CNTRL: variants seen among roughly 807,000 people sequenced by gnomAD.
CNTRL encodes the protein 110 kDa centrosomal protein.
Under a neutral mutation model 303.7 loss-of-function variants are expected in CNTRL, and 233 were observed. The observed-to-expected ratio is 0.77, with a 90% CI of 0.69 to 0.86. The LOEUF (loss-of-function observed/expected upper bound fraction) is 0.86, where lower values mean the gene tolerates loss of function less well. Ranked by LOEUF, CNTRL falls within the 40% of genes least tolerant of loss-of-function variation. The pLI is 0.00. For missense variants in CNTRL, 2,524 were observed against 2,650.6 expected (o/e 0.95, Z 1.05); for synonymous variants, 900 against 922.2 (o/e 0.98, Z 0.44).
intron 42 of CNTRL, among the ~76,000 whole-genome samples, chr9:121,174,672 C>G (rs984052962): frequency 6.6e-6 from 1 of 152,106 alleles, no homozygotes; most frequent in Non-Finnish European, 1.5e-5. Context: ...AGGAGACACT[C>G]CAGTTGTCAA....
Position 121,075,081 on chromosome 9 carries a change from C to T in CNTRL, c.-205+14C>T. Reference sequence around the variant, plus strand: ...GGCTTCTAGGCGGTGAGCGTCAGACCTGGCCGAGCCCGTTCCCCGGCATCC... The same window carrying T: ...GGCTTCTAGGCGGTGAGCGTCAGACTTGGCCGAGCCCGTTCCCCGGCATCC... On this transcript the variant is annotated intron_variant, in intron 1 of 43. Transcript: ENST00000373855. 2.6e-6 allele frequency: 1 copy of T among 387,334 alleles called. No homozygotes were observed. Among genetic ancestry groups the T allele is most frequent in the Non-Finnish European group, 5.2e-6 (1 of 191,612 alleles). The allele number at this position is 387,334 out of a possible 1,614,324, so 24.0% of individuals were successfully genotyped here. A position where few individuals can be genotyped will look rare whatever the true frequency, so the allele number is the denominator to read the frequency against.
chr9:121,119,445 A>C (rs1588153813), intron 12 of CNTRL, among the ~76,000 whole-genome samples: 1 of 150,780 alleles, frequency 6.6e-6, no homozygotes, highest in African/African-American at 2.4e-5. Context: ...ACAGGCACCC[A>C]CCACCACGCC....
intron 12 of CNTRL, among the ~76,000 whole-genome samples, chr9:121,120,753 C>T (rs1438970768): frequency 6.6e-6 from 1 of 152,116 alleles, no homozygotes; most frequent in Non-Finnish European, 1.5e-5. Context: ...GAGAATTATA[C>T]ATGGAAAGGA....
At position 121,135,989 on chromosome 9, in the gene CNTRL, A is replaced by G; in HGVS notation, c.2202+7A>G. 4 of 1,584,990 alleles carry G rather than the reference A, an allele frequency of 2.5e-6. No homozygotes were observed. Among genetic ancestry groups the G allele is most frequent in the Non-Finnish European group, 3.4e-6 (4 of 1,160,542 alleles). On this transcript the variant is annotated splice_region_variant and intron_variant, in intron 15 of 43. Coordinates refer to ENST00000373855, the MANE Select transcript of CNTRL (RefSeq NM_007018.6). ...AGTAACAAGACTTACCCAGGTAAGT[A>G]GGAGCATGAAGCCAACTGCAAACTA...
intron 24 of CNTRL, 70 bp from the exon 25 acceptor site, chr9:121,150,100 G>A: frequency 3.1e-6 from 4 of 1,274,954 alleles, no homozygotes; most frequent in Non-Finnish European, 4.3e-6. Context: ...TACTAAATTT[G>A]TTTACCTGGT....
At chr9:121,091,952 C>T (rs1382772689) in intron 4 of CNTRL, among the ~76,000 whole-genome samples, 2 of 144,174 alleles carry the variant, frequency 1.4e-5, no homozygotes, top group African/African-American at 5.1e-5. Flanking sequence ...CCTCTCTTAC[C>T]ACCCAATCAC....
intron 12 of CNTRL, chr9:121,121,810 C>G (rs1190536800): frequency 4.1e-6 from 4 of 985,340 alleles, no homozygotes; most frequent in Non-Finnish European, 4.8e-6. Context: ...TGCGAAGTTA[C>G]AGAGGCTCGG....
rs757321630 is a variant in CNTRL at position 121,118,510 on chromosome 9, A to G, written c.1620A>G (p.Ile540Met). Residue 540 changes from isoleucine to methionine, a missense_variant, in exon 12 of 44, where the codon ATA becomes ATG. Ile to Met is a conservative substitution (Grantham distance 10, BLOSUM62 1). Transcript: ENST00000373855. ...AGATTAAGGACCTGCAAATAGCCATAGATAGCCTGGATTCCAAAGACCCAA... is the reference window on the plus strand; with the variant it reads ...AGATTAAGGACCTGCAAATAGCCATGGATAGCCTGGATTCCAAAGACCCAA... ...QKEIKDLQIA[I>M]DSLDSKDPKH... The G allele has an allele frequency of 2.5e-6, 4 of 1,603,434 alleles. No individual in the cohort carries two copies. Among genetic ancestry groups the G allele is most frequent in the African/African-American group, 2.7e-5 (2 of 74,398 alleles).
At chr9:121,170,433 C>T (rs889094651) in intron 39 of CNTRL, among the ~76,000 whole-genome samples, 4 of 152,138 alleles carry the variant, frequency 2.6e-5, no homozygotes, top group East Asian at 3.9e-4. Context: ...CATGAGCTAC[C>T]GTGCCTGGCT....
Position 121,143,998 on chromosome 9 carries a change from A to G in CNTRL, c.2967A>G (p.Leu989=), listed in dbSNP as rs1201301337. 2.5e-6 allele frequency: 4 copies of G among 1,613,888 alleles called. No individual in the cohort carries two copies. The highest frequency in any genetic ancestry group is 3.4e-6 in the Non-Finnish European group (4 of 1,179,880). ...LKKAVATSDK[L]ATAELTIAKD... ...AAGCCGTGGCCACCTCTGATAAGCT[A>G]GCCACAGCTGAGCTCACCATTGCCA... is the stretch of plus-strand genomic sequence containing the variant. The change falls in exon 20 of 44, where the codon CTA becomes CTG. Residue 989 remains leucine (L), a synonymous_variant. Transcript: ENST00000373855.
chr9:121,096,475 G>T lies in CNTRL; in HGVS notation c.533G>T (p.Gly178Val). The change falls in exon 6 of 44, where the codon GGA becomes GTA. Residue 178 changes from glycine to valine, a missense_variant. Transcript: ENST00000373855. Reference sequence around the variant, plus strand: ...AATCTGCAAAAGCTTAACCTTGCAGGAAATGAAATTGAGCATATTCCAGTA... The same window carrying T: ...AATCTGCAAAAGCTTAACCTTGCAGTAAATGAAATTGAGCATATTCCAGTA... Reference protein sequence around the residue: ...MCNLQKLNLAGNEIEHIPVWL... With the variant: ...MCNLQKLNLAVNEIEHIPVWL... The T allele has an allele frequency of 6.4e-7, 1 of 1,572,676 alleles. No homozygotes were observed. Among genetic ancestry groups the T allele is most frequent in the South Asian group, 1.2e-5 (1 of 83,096 alleles).
chr9:121,143,984 A>C lies in CNTRL; in HGVS notation c.2953A>C (p.Thr985Pro), dbSNP rs1210297359. The C allele has an allele frequency of 1.2e-6, 2 of 1,613,792 alleles. No individual in the cohort carries two copies. Among genetic ancestry groups the C allele is most frequent in the Admixed American group, 3.3e-5 (2 of 59,986 alleles). ...GAAGAAACTAAAGAAAGCCGTGGCCACCTCTGATAAGCTAGCCACAGCTGA... is the reference window on the plus strand; with the variant it reads ...GAAGAAACTAAAGAAAGCCGTGGCCCCCTCTGATAAGCTAGCCACAGCTGA... ...ELKKLKKAVATSDKLATAELT... is the reference protein window; with the variant it reads ...ELKKLKKAVAPSDKLATAELT... Residue 985 changes from threonine to proline, a missense_variant, in exon 20 of 44, where the codon ACC (threonine) becomes CCC (proline). By Grantham distance (38) the Thr-to-Pro change is conservative. Transcript: ENST00000373855.
chr9:121,114,957 T>G (rs2049911800), intron 10 of CNTRL, 134 bp from the exon 11 acceptor site: 1 of 538,492 alleles, frequency 1.9e-6, no homozygotes, highest in Non-Finnish European at 3.3e-6. Flanking sequence ...ACTTTAAAAT[T>G]TTTTTGTGAG....
chr9:121,102,338 A>G (rs1290389803), intron 7 of CNTRL, among the ~76,000 whole-genome samples: 1 of 152,236 alleles, frequency 6.6e-6, no homozygotes. Flanking sequence ...GGCCTTTGAC[A>G]AACTTCAACA....
intron 43 of CNTRL, 105 bp from the exon 44 acceptor site, chr9:121,177,058 T>TA (rs3838267): frequency 0.45 from 380,945 of 855,846 alleles, 91,754 homozygotes; most frequent in South Asian, 0.65. Context: ...TCCAAAGAGG[T>TA]ACTCAAATAT....
rs2051837233 is a variant in CNTRL, at chr9:121,146,112, C to A, written c.3315C>A (p.Asn1105Lys). The A allele has an allele frequency of 6.2e-7, 1 of 1,607,214 alleles. No homozygotes were observed. The highest frequency in any genetic ancestry group is 1.3e-5 in the African/African-American group (1 of 74,672). Residue 1105 changes from asparagine to lysine, a missense_variant, in exon 23 of 44, where the codon AAC becomes AAA. Transcript: ENST00000373855. Reference protein sequence around the residue: ...QNVLDLTGSDNKGGFENVLEE... With the variant: ...QNVLDLTGSDKKGGFENVLEE... ...TAGAATGACTTTTCTTTACAGACAA[C>A]AAAGGAGGCTTTGAAAATGTTTTAG...
chr9:121,150,490 G>A lies in CNTRL; in HGVS notation c.3963+7G>A. The A allele has an allele frequency of 1.2e-6, 2 of 1,612,958 alleles. No individual in the cohort carries two copies. Among genetic ancestry groups the A allele is most frequent in the Non-Finnish European group, 1.7e-6 (2 of 1,179,110 alleles). Reference sequence around the variant, plus strand: ...CCCTGAACACCATAACTTAGTAAGTGGAAAGACATACAACTCTCTTTCCAC... The same window carrying A: ...CCCTGAACACCATAACTTAGTAAGTAGAAAGACATACAACTCTCTTTCCAC... On this transcript the variant is annotated splice_region_variant and intron_variant, in intron 25 of 43. Coordinates refer to ENST00000373855, the MANE Select transcript of CNTRL (RefSeq NM_007018.6).
intron 13 of CNTRL, among the ~76,000 whole-genome samples, chr9:121,124,583 T>C (rs776529199): frequency 2.6e-5 from 4 of 152,164 alleles, no homozygotes; most frequent in Non-Finnish European, 5.9e-5. Flanking sequence ...TACTGTCAGC[T>C]GTGTCGCCTT....
intron 3 of CNTRL, among the ~76,000 whole-genome samples, chr9:121,089,439 G>A (rs1035173842): frequency 6.6e-6 from 1 of 152,076 alleles, no homozygotes. Flanking sequence ...ACTTTTTAGG[G>A]CTACTTTTGT....
Sources: gnomAD v4.1 joint callset for allele counts (sites outside exome capture counted in the v4.1 genomes callset) on GRCh38, gnomAD v4.1.1 for gene constraint, MANE v1.5 for transcripts, NCBI Gene and HGNC (gene_info 2026-07-23, HGNC 2026-07-21) for gene names.